Variants in BTD observed in about 807,000 individuals in gnomAD.
BTD encodes the protein biotinidase.
Under a neutral mutation model 17.7 loss-of-function variants are expected in BTD, and 13 were observed. That is an observed-to-expected ratio of 0.74 (90% CI 0.48 to 1.17). The LOEUF (loss-of-function observed/expected upper bound fraction) is 1.17. BTD is among the 50% of genes most tolerant of loss of function. BTD has a pLI of 0.00. For synonymous variants in BTD, 240 were observed against 245.2 expected (o/e 0.98, Z 0.20); for missense variants, 674 against 650.4 (o/e 1.04, Z -0.39).
intron 3 of BTD, among the ~76,000 whole-genome samples, chr3:15,691,425 G>A (rs1290601471): frequency 2.6e-5 from 4 of 152,228 alleles, no homozygotes; most frequent in Admixed American, 2.0e-4. Context: ...GCCCGGCCCC[G>A]AGTTGCCTTC....
chr3:15,666,138 T>C (rs1291368233), intron 3 of BTD, among the ~76,000 whole-genome samples: 1 of 152,204 alleles, frequency 6.6e-6, no homozygotes, highest in Non-Finnish European at 1.5e-5. Context: ...TCCTGGCACA[T>C]AGCAGGTGTT....
At chr3:15,601,609 AG>A (rs2064245755), upstream of BTD, 2 of 1,568,558 alleles carry the variant, frequency 1.3e-6, no homozygotes, top group Non-Finnish European at 1.7e-6. Context: ...AACAACGGGA[AG>A]GAAGAGGCGG....
rs367576170 is a variant in BTD at position 15,709,747 on chromosome 3, A to G, written c.400-313A>G. ...AGGCACTCCAAATTCCTATTGAGAG[A>G]AAATACAGTTAGAAAACTTAATTGA... On this transcript the variant is annotated intron_variant, in intron 3 of 3. Coordinates refer to the BTD transcript ENST00000672141. 30 of 1,540,464 alleles carry G rather than the reference A, an allele frequency of 1.9e-5. No homozygotes were observed. The African/African-American group carries it at 3.7e-4, about 19-fold the overall frequency.
At chr3:15,636,924 T>C (rs1226945789) in intron 2 of BTD, among the ~76,000 whole-genome samples, 1 of 152,026 alleles carries the variant, frequency 6.6e-6, no homozygotes, top group Non-Finnish European at 1.5e-5. Context: ...CAACCTGACA[T>C]ACGGTTTCTC....
intron 1 of BTD, among the ~76,000 whole-genome samples, chr3:15,607,755 C>T (rs767718899): frequency 6.6e-6 from 1 of 151,888 alleles, no homozygotes; most frequent in African/African-American, 2.4e-5. Context: ...AAAACTGATA[C>T]TGAATATCTT....
At chr3:15,715,850 T>C (rs1055678852), downstream of BTD, among the ~76,000 whole-genome samples, 1 of 152,144 alleles carries the variant, frequency 6.6e-6, no homozygotes, top group Non-Finnish European at 1.5e-5. Context: ...TTATTTTTCA[T>C]GTACCAGTTG....
At chr3:15,626,037 A>G (rs1364103505) in intron 1 of BTD, among the ~76,000 whole-genome samples, 2 of 152,060 alleles carry the variant, frequency 1.3e-5, no homozygotes, top group Non-Finnish European at 2.9e-5. Context: ...AACTGTTCCA[A>G]ATTTTAGAAA....
exon 4 of BTD, among the ~76,000 whole-genome samples, chr3:15,710,999 TTC>T (rs144820494): frequency 3.3e-5 from 5 of 150,990 alleles, no homozygotes; most frequent in Non-Finnish European, 4.4e-5. Flanking sequence ...TGTAGGTTTA[TTC>T]TCTCTCTCTC....
chr3:15,661,995 A>T, intron 3 of BTD, among the ~76,000 whole-genome samples: 1 of 152,186 alleles, frequency 6.6e-6, no homozygotes, highest in East Asian at 1.9e-4. Context: ...CCATTCTTTG[A>T]CCAATACCAC....
rs2065785424 is a variant in BTD at position 15,650,515 on chromosome 3, G to A, written c.*5027G>A. ...CTCTTCAGCCATTGCTGAATCTAGG[G>A]GCTCAAATGGTGTCTCTGGACACAG... is the stretch of plus-strand genomic sequence containing the variant. On this transcript the variant is annotated 3_prime_UTR_variant, in exon 4 of 4. Coordinates refer to ENST00000643237, the MANE Select transcript of BTD (RefSeq NM_001370658.1). Among the ~76,000 whole-genome samples the A allele has an allele frequency of 1.3e-5, 2 of 151,814 alleles. No individual in the cohort carries two copies. Among genetic ancestry groups the A allele is most frequent in the Non-Finnish European group, 2.9e-5 (2 of 67,994 alleles).
chr3:15,677,249 G>A (rs1425752853), intron 3 of BTD, among the ~76,000 whole-genome samples: 2 of 152,136 alleles, frequency 1.3e-5, no homozygotes, highest in Admixed American at 6.5e-5. Flanking sequence ...ACAAAATTAA[G>A]ATTAAGGAAA....
Position 15,711,766 on chromosome 3 carries a change from A to G in BTD, c.*1692A>G, listed in dbSNP as rs535158971. Among the ~76,000 whole-genome samples the G allele has an allele frequency of 5.3e-5, 8 of 151,982 alleles. No homozygotes were observed. In the East Asian group the frequency reaches 1.4e-3, roughly 26 times the overall value. On this transcript the variant is annotated 3_prime_UTR_variant, in exon 4 of 4. Transcript: ENST00000672141. ...CAGTGGCACAATCTCGGCTTACTGC[A>G]ACCTCTGCCTCCTGGGTTCAAGCGA...
At chr3:15,616,115 T>C (rs375771093) in intron 1 of BTD, among the ~76,000 whole-genome samples, 1 of 152,218 alleles carries the variant, frequency 6.6e-6, no homozygotes, top group Non-Finnish European at 1.5e-5. Context: ...TAAACACTCC[T>C]GTGCAGTTTT....
Position 15,641,593 on chromosome 3 carries a change from T to C in BTD, c.250-315T>C, listed in dbSNP as rs116792914. On this transcript the variant is annotated intron_variant, in intron 2 of 3. Transcript: ENST00000643237. ...CTAAGAACTCTAAATCCTTTCTAGC[T>C]ATTCGCTTGTCAAACTCCTGAGCTT... Among the ~76,000 whole-genome samples the C allele has an allele frequency of 3.0e-3, 451 of 152,344 alleles. 4 individuals carry two copies. Among genetic ancestry groups the C allele is most frequent in the African/African-American group, 0.01 (429 of 41,570 alleles).
At chr3:15,690,103 C>T (rs1172882269) in intron 3 of BTD, 4 of 1,612,090 alleles carry the variant, frequency 2.5e-6, no homozygotes, top group Non-Finnish European at 3.4e-6. Flanking sequence ...TCCACACATT[C>T]AACATGGCCC....
chr3:15,642,921 G>C (rs908997512), intron 3 of BTD, among the ~76,000 whole-genome samples: 2 of 151,542 alleles, frequency 1.3e-5, no homozygotes, highest in Non-Finnish European at 2.9e-5. Context: ...CCAGCTACTT[G>C]GGAGGCTGAG....
intron 1 of BTD, among the ~76,000 whole-genome samples, chr3:15,632,000 C>G (rs546302075): frequency 1.3e-5 from 2 of 152,154 alleles, no homozygotes; most frequent in African/African-American, 4.8e-5. Flanking sequence ...CTCCTTGTCC[C>G]CTTGGCTCCA....
chr3:15,664,428 A>T (rs966834630), intron 3 of BTD, among the ~76,000 whole-genome samples: 2 of 152,256 alleles, frequency 1.3e-5, no homozygotes, highest in Admixed American at 1.3e-4. Context: ...GGGCTTCTAC[A>T]GCTGAACAGT....
chr3:15,607,751 G>A (rs571677712), intron 1 of BTD, among the ~76,000 whole-genome samples: 6 of 152,192 alleles, frequency 3.9e-5, no homozygotes, highest in Admixed American at 3.9e-4. Flanking sequence ...AGATAAAACT[G>A]ATACTGAATA....
Sources: gnomAD v4.1 joint callset for allele counts (sites outside exome capture counted in the v4.1 genomes callset) on GRCh38, gnomAD v4.1.1 for gene constraint, MANE v1.5 for transcripts, NCBI Gene and HGNC (gene_info 2026-07-23, HGNC 2026-07-21) for gene names.